The following PTPRD variants were observed in gnomAD, a reference collection of about 807,000 sequenced individuals.
PTPRD encodes receptor-type tyrosine-protein phosphatase delta.
A neutral mutation model predicts 214.5 loss-of-function variants in PTPRD; 34 were observed. The observed-to-expected ratio is 0.16, with a 90% CI of 0.12 to 0.21. The LOEUF (loss-of-function observed/expected upper bound fraction) is 0.21. Ranked by LOEUF, PTPRD falls within the 10% of genes least tolerant of loss-of-function variation. PTPRD has a pLI of 1.00. For missense variants in PTPRD, 2,545 were observed against 2,398.7 expected (o/e 1.06, Z -1.27); for synonymous variants, 1,128 against 845.7 (o/e 1.33, Z -5.79).
At chr9:10,583,575 CTGAGTAG>C (rs1394280687) in intron 2 of PTPRD, among the ~76,000 whole-genome samples, 22 of 151,914 alleles carry the variant, frequency 1.4e-4, no homozygotes, top group Admixed American at 1.1e-3. Flanking sequence ...CCTCAGCCTC[CTGAGTAG>C]CTGGGATACA....
intron 14 of PTPRD, among the ~76,000 whole-genome samples, chr9:8,535,051 G>A (rs899341040): frequency 1.3e-5 from 2 of 151,794 alleles, no homozygotes; most frequent in Non-Finnish European, 2.9e-5. Flanking sequence ...AATTGTATCT[G>A]CAGGATAATT....
At chr9:8,907,448 G>T (rs1403521572) in intron 11 of PTPRD, among the ~76,000 whole-genome samples, 1 of 150,024 alleles carries the variant, frequency 6.7e-6, no homozygotes, top group Non-Finnish European at 1.5e-5. Flanking sequence ...AACCTGGGAG[G>T]CGGAGGTTGC....
At chr9:8,611,724 G>GAA (rs2095453718) in intron 14 of PTPRD, among the ~76,000 whole-genome samples, 1 of 120,296 alleles carries the variant, frequency 8.3e-6, no homozygotes, top group Non-Finnish European at 1.8e-5. Context: ...AAAAAGAAAA[G>GAA]ACAAAAGAAA....
intron 9 of PTPRD, among the ~76,000 whole-genome samples, chr9:9,247,447 A>AT (rs1255425117): frequency 6.6e-6 from 1 of 152,062 alleles, no homozygotes; most frequent in Non-Finnish European, 1.5e-5. Context: ...GATTATATAC[A>AT]TTTGTTATGC....
chr9:10,350,248 T>C (rs1025828182), intron 2 of PTPRD, among the ~76,000 whole-genome samples: 1 of 152,166 alleles, frequency 6.6e-6, no homozygotes, highest in Non-Finnish European at 1.5e-5. Context: ...GCAAAGACTC[T>C]CTTTTTGTTG....
intron 9 of PTPRD, among the ~76,000 whole-genome samples, chr9:9,334,324 C>T (rs916945050): frequency 6.6e-6 from 1 of 151,896 alleles, no homozygotes; most frequent in African/African-American, 2.4e-5. Flanking sequence ...GTATTTATGT[C>T]TAGGTGAAAG....
At chr9:9,196,248 A>G (rs2028781) in intron 9 of PTPRD, among the ~76,000 whole-genome samples, 116,907 of 152,112 alleles carry the variant, frequency 0.77, 45,399 homozygotes, top group African/African-American at 0.85. Flanking sequence ...TACTTCCTGG[A>G]ACACAGAGTG....
At chr9:9,876,861 G>A (rs2067034642) in intron 5 of PTPRD, among the ~76,000 whole-genome samples, 1 of 152,090 alleles carries the variant, frequency 6.6e-6, no homozygotes, top group South Asian at 2.1e-4. Flanking sequence ...ATGACAAACT[G>A]TCATCTTAAA....
intron 11 of PTPRD, among the ~76,000 whole-genome samples, chr9:8,877,920 C>G (rs2098408058): frequency 6.6e-6 from 1 of 152,118 alleles, no homozygotes; most frequent in Non-Finnish European, 1.5e-5. Context: ...GGGCATAACT[C>G]TAGGAAAGTG....
At chr9:10,096,036 A>T (rs563516295) in intron 3 of PTPRD, among the ~76,000 whole-genome samples, 1 of 151,590 alleles carries the variant, frequency 6.6e-6, no homozygotes, top group South Asian at 2.1e-4. Context: ...ATCTGAGGAG[A>T]CTTTGAAACA....
chr9:9,045,194 G>A (rs574044030), intron 10 of PTPRD, among the ~76,000 whole-genome samples: 18 of 152,272 alleles, frequency 1.2e-4, no homozygotes, highest in African/African-American at 4.3e-4. Flanking sequence ...ACATATGGGA[G>A]CTCATTAAAG....
chr9:10,060,868 C>T (rs1419182782), intron 3 of PTPRD, among the ~76,000 whole-genome samples: 1 of 82,312 alleles, frequency 1.2e-5, no homozygotes, highest in African/African-American at 1.8e-4. Context: ...TTCCTTCCTT[C>T]TTTCCTTCCT....
At chr9:9,408,161 T>C (rs988186791) in intron 8 of PTPRD, among the ~76,000 whole-genome samples, 1 of 151,834 alleles carries the variant, frequency 6.6e-6, no homozygotes, top group Non-Finnish European at 1.5e-5. Context: ...GAATCATTAC[T>C]GATGCTTCTC....
chr9:8,816,945 T>C (rs79776660), intron 11 of PTPRD, among the ~76,000 whole-genome samples: 7,747 of 152,322 alleles, frequency 0.051, 383 homozygotes, highest in African/African-American at 0.12. Flanking sequence ...GTGCTTCAGA[T>C]ACATCTGTGT....
chr9:9,997,680 T>C (rs1234423915), intron 4 of PTPRD, among the ~76,000 whole-genome samples: 1 of 152,162 alleles, frequency 6.6e-6, no homozygotes, highest in Non-Finnish European at 1.5e-5. Flanking sequence ...TTTCTTTTAA[T>C]AGAAACAGCT....
chr9:9,168,355 C>G (rs531672991), intron 10 of PTPRD, among the ~76,000 whole-genome samples: 9 of 152,146 alleles, frequency 5.9e-5, no homozygotes, highest in Admixed American at 1.3e-4. Context: ...TTTATCTTGC[C>G]TTTTTAACCT....
chr9:8,593,077 G>C (rs1162783421), intron 14 of PTPRD, among the ~76,000 whole-genome samples: 1 of 152,178 alleles, frequency 6.6e-6, no homozygotes, highest in Non-Finnish European at 1.5e-5. Context: ...TGGCTGAGGA[G>C]AAACTAGGAA....
intron 9 of PTPRD, among the ~76,000 whole-genome samples, chr9:9,373,472 T>C (rs1462815289): frequency 6.6e-6 from 1 of 152,062 alleles, no homozygotes; most frequent in Non-Finnish European, 1.5e-5. Flanking sequence ...AGGCCAGAAT[T>C]CTGAAATGAG....
intron 11 of PTPRD, among the ~76,000 whole-genome samples, chr9:8,793,463 ACT>A (rs1156378454): frequency 6.6e-6 from 1 of 152,096 alleles, no homozygotes; most frequent in East Asian, 1.9e-4. Context: ...TTCATGAGAG[ACT>A]CTGAGCCAGA....
Sources: allele counts gnomAD v4.1 joint callset (sites outside exome capture counted in the v4.1 genomes callset), GRCh38; gene constraint gnomAD v4.1.1; transcripts MANE v1.5; gene names NCBI Gene and HGNC (gene_info 2026-07-23, HGNC 2026-07-21).